The following TAS2R1 variants were observed in gnomAD, a reference collection of about 807,000 sequenced individuals.
TAS2R1 encodes the protein taste 2 receptor member 1.
For missense variants in TAS2R1, 370 were observed against 353.4 expected, an observed-to-expected ratio of 1.05 and a Z score of -0.38; for synonymous variants, 141 against 134.2, an observed-to-expected ratio of 1.05 and a Z score of -0.35.
the TAS2R1 span, among the ~76,000 whole-genome samples, chr5:9,754,215 T>C: frequency 3.0e-4 from 46 of 152,292 alleles, no homozygotes; most frequent in Non-Finnish European, 6.2e-4. Context: ...CAACCCTTCA[T>C]GCTAAAAACT....
At position 9,628,036 on chromosome 5, in the gene TAS2R1, C is replaced by T. The variant is rs1409835485; in HGVS notation, c.*1097G>A. On this transcript the variant is annotated 3_prime_UTR_variant, in exon 1 of 1. Transcript: ENST00000382492. The stretch of plus-strand genomic sequence containing the variant: ...GCCTGAACTACAAGTTACCGCTGAG[C>T]TTAAGAACATTTTTTACTTCATTTA... 6.6e-6 allele frequency among the ~76,000 whole-genome samples: 1 copy of T among 152,104 alleles called. No homozygotes were observed. Among genetic ancestry groups the T allele is most frequent in the Non-Finnish European group, 1.5e-5 (1 of 68,028 alleles).
At chr5:9,853,773 C>G in the TAS2R1 span, among the ~76,000 whole-genome samples, 32 of 151,988 alleles carry the variant, frequency 2.1e-4, no homozygotes, top group Non-Finnish European at 2.9e-4. Flanking sequence ...TGGGAATGGG[C>G]ATAAAAGAGA....
intron 1 of TAS2R1, among the ~76,000 whole-genome samples, chr5:9,667,120 T>C (rs553268985): frequency 5.3e-5 from 8 of 152,354 alleles, no homozygotes; most frequent in African/African-American, 1.9e-4. Flanking sequence ...GCATACCATG[T>C]GCCTGGCATT....
At chr5:9,869,983 T>C in the TAS2R1 span, 1 of 152,266 alleles carries the variant, frequency 6.6e-6, no homozygotes, top group South Asian at 2.1e-4. Context: ...ATTTATTTGT[T>C]GTTTTACCAT....
the TAS2R1 span, among the ~76,000 whole-genome samples, chr5:9,770,164 A>C: frequency 1.4e-4 from 21 of 152,148 alleles, no homozygotes; most frequent in African/African-American, 4.6e-4. Flanking sequence ...TATTGAAGAG[A>C]TTATCCTTTC....
At chr5:9,644,367 A>C (rs1008674036) in intron 2 of TAS2R1, among the ~76,000 whole-genome samples, 7 of 152,222 alleles carry the variant, frequency 4.6e-5, no homozygotes, top group Non-Finnish European at 7.4e-5. Flanking sequence ...CTGGACGAGG[A>C]ATAGATTTTG....
At chr5:9,674,312 T>C (rs930775166) in intron 1 of TAS2R1, among the ~76,000 whole-genome samples, 8 of 152,166 alleles carry the variant, frequency 5.3e-5, no homozygotes, top group African/African-American at 1.7e-4. Context: ...ATATGCAGGA[T>C]ATTATGATAA....
chr5:9,714,632 A>G (rs1435412391), upstream of TAS2R1, among the ~76,000 whole-genome samples: 1 of 152,264 alleles, frequency 6.6e-6, no homozygotes, highest in Non-Finnish European at 1.5e-5. Flanking sequence ...GGATTGGCAC[A>G]TAAGAGATGA....
chr5:9,772,576 T>G, the TAS2R1 span, among the ~76,000 whole-genome samples: 1 of 152,186 alleles, frequency 6.6e-6, no homozygotes, highest in African/African-American at 2.4e-5. Context: ...GTCTGGAAGA[T>G]CTAATGCTAA....
At chr5:9,734,430 T>C in the TAS2R1 span, among the ~76,000 whole-genome samples, 1 of 152,242 alleles carries the variant, frequency 6.6e-6, no homozygotes, top group Non-Finnish European at 1.5e-5. Context: ...TATCTTGATT[T>C]ATTAACCCAC....
chr5:9,789,244 G>A, the TAS2R1 span, among the ~76,000 whole-genome samples: 3 of 152,148 alleles, frequency 2.0e-5, no homozygotes, highest in African/African-American at 7.2e-5. Context: ...GACTTCAAAA[G>A]CAAGGTGACC....
chr5:9,768,084 C>T, the TAS2R1 span, among the ~76,000 whole-genome samples: 2 of 152,112 alleles, frequency 1.3e-5, no homozygotes, highest in Non-Finnish European at 2.9e-5. Flanking sequence ...TGTCAGGAGC[C>T]TCCTTGTCCA....
At chr5:9,678,352 C>T (rs1466130978) in intron 1 of TAS2R1, among the ~76,000 whole-genome samples, 1 of 152,140 alleles carries the variant, frequency 6.6e-6, no homozygotes, top group African/African-American at 2.4e-5. Context: ...ATTAGTTCAA[C>T]AGTTGTAGAA....
the TAS2R1 span, among the ~76,000 whole-genome samples, chr5:9,758,721 T>C: frequency 9.2e-5 from 14 of 152,172 alleles, no homozygotes; most frequent in Admixed American, 5.2e-4. Flanking sequence ...GTTAAACTTC[T>C]ACAGCCACTT....
chr5:9,783,062 G>A, the TAS2R1 span, among the ~76,000 whole-genome samples: 3 of 152,140 alleles, frequency 2.0e-5, no homozygotes, highest in Non-Finnish European at 4.4e-5. Context: ...CAGAAGGGGC[G>A]TGTCTCCTGT....
At chr5:9,859,383 G>A in the TAS2R1 span, among the ~76,000 whole-genome samples, 4 of 152,220 alleles carry the variant, frequency 2.6e-5, no homozygotes, top group Non-Finnish European at 4.4e-5. Context: ...TGAACCAGGA[G>A]AGGCACTTCC....
the TAS2R1 span, among the ~76,000 whole-genome samples, chr5:9,774,789 G>C: frequency 6.6e-6 from 1 of 152,220 alleles, no homozygotes; most frequent in Non-Finnish European, 1.5e-5. Context: ...ACCAGACAAA[G>C]TCTCTCTCTG....
At chr5:9,708,479 G>C (rs1044809542) in intron 1 of TAS2R1, among the ~76,000 whole-genome samples, 1 of 152,126 alleles carries the variant, frequency 6.6e-6, no homozygotes, top group African/African-American at 2.4e-5. Flanking sequence ...TAAGGCAATG[G>C]ATTTTTGTCT....
At chr5:9,726,886 A>G in the TAS2R1 span, among the ~76,000 whole-genome samples, 1 of 152,228 alleles carries the variant, frequency 6.6e-6, no homozygotes, top group African/African-American at 2.4e-5. Flanking sequence ...AGCACCATGC[A>G]TTCTCCATAG....
Sources: gnomAD v4.1 joint callset for allele counts (sites outside exome capture counted in the v4.1 genomes callset) on GRCh38, gnomAD v4.1.1 for gene constraint, MANE v1.5 for transcripts, NCBI Gene and HGNC (gene_info 2026-07-23, HGNC 2026-07-21) for gene names.